The following GPX5 variants were observed in gnomAD, a reference collection of about 807,000 sequenced individuals.
The protein encoded by GPX5 is epididymal secretory glutathione peroxidase.
A neutral mutation model predicts 23.8 loss-of-function variants in GPX5; 20 were observed. The observed-to-expected ratio is 0.84, with a 90% confidence interval of 0.59 to 1.22. The LOEUF (loss-of-function observed/expected upper bound fraction) is 1.22, where lower values mean the gene tolerates loss of function less well. Ranked by LOEUF, GPX5 falls within the 50% of genes most tolerant of loss-of-function variation. The probability of loss-of-function intolerance (pLI) is 0.00; values close to 1 mark genes in which losing one functional copy is unlikely to be tolerated. For missense variants in GPX5, 230 were observed against 266.6 expected (o/e 0.86, Z 0.96); for synonymous variants, 92 against 99.5 (o/e 0.92, Z 0.45).
At chr6:28,532,040 G>A (rs1407996599) in intron 3 of GPX5, 145 bp downstream of exon 3, 25 of 735,986 alleles carry the variant, frequency 3.4e-5, no homozygotes, top group Non-Finnish European at 3.3e-5. Context: ...TTGGCCTACC[G>A]TGATGAGCGT....
At chr6:28,529,772 C>A (rs141327033) in intron 2 of GPX5, among the ~76,000 whole-genome samples, 168 bp downstream of exon 2, 1 of 152,250 alleles carries the variant, frequency 6.6e-6, no homozygotes, top group African/African-American at 2.4e-5. Flanking sequence ...GGTGGACAGG[C>A]CAAATTTGGT....
At chr6:28,533,839 G>A (rs1312910924) in intron 4 of GPX5, 122 bp from the exon 5 acceptor site, 1 of 573,594 alleles carries the variant, frequency 1.7e-6, no homozygotes, top group Non-Finnish European at 3.0e-6. Flanking sequence ...GAGTTTTTTA[G>A]GAATATCAGG....
chr6:28,532,247 C>T, intron 3 of GPX5, 74 bp from the exon 4 acceptor site: 1 of 896,344 alleles, frequency 1.1e-6, no homozygotes, highest in South Asian at 1.8e-5. Flanking sequence ...CTCATGACTT[C>T]AAATCCTAGT....
At chr6:28,532,736 A>C (rs1456152126) in intron 4 of GPX5, among the ~76,000 whole-genome samples, 3 of 152,230 alleles carry the variant, frequency 2.0e-5, no homozygotes, top group Non-Finnish European at 4.4e-5. Flanking sequence ...CTACTTATAA[A>C]GCAATCTAAA....
At chr6:28,531,017 T>C (rs1763301026) in intron 2 of GPX5, among the ~76,000 whole-genome samples, 1 of 152,182 alleles carries the variant, frequency 6.6e-6, no homozygotes, top group Non-Finnish European at 1.5e-5. Flanking sequence ...AGCATATTAC[T>C]GAGGATTTTT....
At chr6:28,530,264 C>T (rs1720665130) in intron 2 of GPX5, 1 of 152,116 alleles carries the variant, frequency 6.6e-6, no homozygotes, top group African/African-American at 2.4e-5. Flanking sequence ...AGTTTTTCCT[C>T]CCTTTTTGTA....
chr6:28,527,082 G>A lies in GPX5; in HGVS notation c.87+982G>A, dbSNP rs371152624. 1.2e-4 allele frequency: 19 copies of A among 152,248 alleles called. 1 individual carries two copies. The highest frequency in any genetic ancestry group is 4.3e-4 in the African/African-American group (18 of 41,560). 9.4% of individuals were successfully genotyped at this position (152,248 alleles called of 1,614,324 possible). On this transcript the variant is annotated intron_variant, in intron 1 of 4. Coordinates refer to ENST00000412168, the MANE Select transcript of GPX5 (RefSeq NM_001509.3). ...GGGCTGCAGAATTTGCTTAATAAAA[G>A]CTGCGTCTAGAGATAATTGAGACAC...
intron 4 of GPX5, 72 bp from the exon 5 acceptor site, chr6:28,533,889 G>A (rs1763372853): frequency 1.0e-6 from 1 of 975,422 alleles, no homozygotes; most frequent in Non-Finnish European, 1.5e-6. Flanking sequence ...TGGATTACCT[G>A]TGGGTAAAAA....
intron 4 of GPX5, among the ~76,000 whole-genome samples, chr6:28,533,103 C>T (rs552523824): frequency 1.3e-5 from 2 of 151,978 alleles, no homozygotes; most frequent in Non-Finnish European, 2.9e-5. Context: ...ACTAGGCAAC[C>T]AAGCAAGACA....
At position 28,534,499 on chromosome 6, in the gene GPX5, A is replaced by G. The variant is rs559252292; in HGVS notation, c.*332A>G. The G allele has an allele frequency of 4.2e-6, 1 of 240,374 alleles. No individual in the cohort carries two copies. The highest frequency in any genetic ancestry group is 8.0e-6 in the Non-Finnish European group (1 of 124,916). The allele number at this position is 240,374 out of a possible 1,614,324, so 14.9% of individuals were successfully genotyped here. A position where few individuals can be genotyped will look rare whatever the true frequency, so the allele number is the denominator to read the frequency against. The stretch of plus-strand genomic sequence containing the variant: ...TTCCACGACAATGGTTCAGTCGGCC[A>G]TCACATCCTGAAGAACATTCCTAGA... On this transcript the variant is annotated 3_prime_UTR_variant, in exon 5 of 5. Transcript: ENST00000412168.
intron 2 of GPX5, among the ~76,000 whole-genome samples, chr6:28,531,387 AAAAAAAGAAAAGAAAAG>A (rs531967306): frequency 0.091 from 9,087 of 100,182 alleles, 866 homozygotes; most frequent in East Asian, 0.34. Flanking sequence ...AAAAAAAAAA[AAAAAAAGAAAAGAAAAG>A]AAAAGAAAAG....
At chr6:28,533,368 G>A (rs928140398) in intron 4 of GPX5, among the ~76,000 whole-genome samples, 19 of 151,946 alleles carry the variant, frequency 1.3e-4, no homozygotes, top group African/African-American at 3.6e-4. Flanking sequence ...CAGCCTGGGC[G>A]ACACAGCGAG....
At chr6:28,526,424 G>C (rs1345252834) in intron 1 of GPX5, among the ~76,000 whole-genome samples, 1 of 152,128 alleles carries the variant, frequency 6.6e-6, no homozygotes, top group African/African-American at 2.4e-5. Flanking sequence ...GACAGCGATG[G>C]GCTTTAGAGT....
chr6:28,532,497 C>A, intron 4 of GPX5, 77 bp downstream of exon 4: 1 of 956,356 alleles, frequency 1.0e-6, no homozygotes, highest in Non-Finnish European at 1.6e-6. Flanking sequence ...AGAAATGGAT[C>A]CAAGGGCTCA....
At position 28,534,271 on chromosome 6, in the gene GPX5, T is replaced by G. The variant is rs1763383996; in HGVS notation, c.*104T>G. The G allele has an allele frequency of 1.4e-6, 1 of 721,292 alleles. No individual in the cohort carries two copies. The highest frequency in any genetic ancestry group is 2.2e-6 in the Non-Finnish European group (1 of 458,680). The allele number at this position is 721,292 out of a possible 1,614,324, so 44.7% of individuals were successfully genotyped here. On this transcript the variant is annotated 3_prime_UTR_variant, in exon 5 of 5. Transcript: ENST00000412168. ...TACCCATCTTCTCACCACACTCTCTTCCTGCATGGGCTCCACCTGAGTAAA... is the reference window on the plus strand; with the variant it reads ...TACCCATCTTCTCACCACACTCTCTGCCTGCATGGGCTCCACCTGAGTAAA...
intron 1 of GPX5, among the ~76,000 whole-genome samples, chr6:28,526,521 C>T (rs142498406): frequency 5.3e-5 from 8 of 151,836 alleles, no homozygotes; most frequent in African/African-American, 1.9e-4. Context: ...GAGGAAAAAA[C>T]GAATGTGGAA....
chr6:28,532,319 A>C lies in GPX5; in HGVS notation c.360-2A>C. 1 of 1,546,840 alleles carries C rather than the reference A, an allele frequency of 6.5e-7. No individual in the cohort carries two copies. The highest frequency in any genetic ancestry group is 8.7e-7 in the Non-Finnish European group (1 of 1,148,974). On this transcript the variant is annotated splice_acceptor_variant, in intron 3 of 4. Coordinates refer to ENST00000412168, the MANE Select transcript of GPX5 (RefSeq NM_001509.3). LOFTEE classifies it high-confidence loss of function. ...TCCTGGGAACATTATGGCTTGTTGC[A>C]GGTATGTCCGTCCAGGGGGAGGATT...
chr6:28,528,991 A>G (rs922083570), intron 1 of GPX5, among the ~76,000 whole-genome samples: 3 of 151,196 alleles, frequency 2.0e-5, no homozygotes, highest in Non-Finnish European at 4.4e-5. Flanking sequence ...CAATCCAATT[A>G]TATGCTTTTA....
At chr6:28,527,883 G>A (rs1475039827) in intron 1 of GPX5, 1 of 152,250 alleles carries the variant, frequency 6.6e-6, no homozygotes, top group Non-Finnish European at 1.5e-5. Context: ...GGAGGAGTAA[G>A]ATGAGACCTG....
Sources: gnomAD v4.1 joint callset for allele counts (sites outside exome capture counted in the v4.1 genomes callset) on GRCh38, gnomAD v4.1.1 for gene constraint, MANE v1.5 for transcripts, NCBI Gene and HGNC (gene_info 2026-07-23, HGNC 2026-07-21) for gene names.